UNC5D: variants seen among roughly 807,000 people sequenced by gnomAD.
UNC5D encodes unc-5 netrin receptor D, also known as netrin receptor UNC5D.
In UNC5D, 39 loss-of-function variants were observed where a neutral mutation model predicts 105.4. That is an observed-to-expected ratio of 0.37 (90% CI 0.29 to 0.48). UNC5D has a LOEUF of 0.48. Ranked by LOEUF, UNC5D falls within the 20% of genes least tolerant of loss-of-function variation. The pLI is 0.98. For missense variants in UNC5D, 991 were observed against 1,202.4 expected (o/e 0.82, Z 2.60); for synonymous variants, 452 against 450.4 (o/e 1.00, Z -0.04).
At chr8:35,275,610 A>G (rs1422813816) in intron 1 of UNC5D, among the ~76,000 whole-genome samples, 1 of 152,152 alleles carries the variant, frequency 6.6e-6, no homozygotes, top group African/African-American at 2.4e-5. Context: ...GCCCGGTTGT[A>G]TTTTGACAAG....
intron 1 of UNC5D, among the ~76,000 whole-genome samples, chr8:35,236,766 C>T (rs887436857): frequency 6.6e-6 from 1 of 152,220 alleles, no homozygotes; most frequent in African/African-American, 2.4e-5. Flanking sequence ...TGATCAGAGG[C>T]AGTTTCAGAC....
intron 4 of UNC5D, among the ~76,000 whole-genome samples, chr8:35,661,757 T>C (rs1824118822): frequency 6.6e-6 from 1 of 152,186 alleles, no homozygotes; most frequent in African/African-American, 2.4e-5. Flanking sequence ...CCACTTTTTG[T>C]AACCATCCTC....
intron 1 of UNC5D, among the ~76,000 whole-genome samples, chr8:35,495,455 C>CAAAAAAAAAA (rs1417671723): frequency 1.2e-4 from 4 of 32,426 alleles, no homozygotes; most frequent in African/African-American, 2.0e-4. Context: ...ACAACAACAA[C>CAAAAAAAAAA]AACAAAAAAA....
intron 1 of UNC5D, among the ~76,000 whole-genome samples, chr8:35,512,535 G>GTGTATATATATA (rs1163798673): frequency 1.5e-4 from 5 of 33,426 alleles, no homozygotes; most frequent in South Asian, 1.1e-3. Context: ...ATTCAGATAT[G>GTGTATATATATA]TATGTATATA....
intron 7 of UNC5D, among the ~76,000 whole-genome samples, chr8:35,702,872 C>T (rs1827306778): frequency 6.6e-6 from 1 of 152,048 alleles, no homozygotes; most frequent in Admixed American, 6.6e-5. Context: ...CACACTGATA[C>T]AGAAGATATG....
At chr8:35,484,487 T>A (rs559847370) in intron 1 of UNC5D, among the ~76,000 whole-genome samples, 3 of 152,188 alleles carry the variant, frequency 2.0e-5, no homozygotes, top group Non-Finnish European at 4.4e-5. Flanking sequence ...ATGGCACCAC[T>A]GAAGGCCATT....
At chr8:35,357,212 A>C (rs1801606940) in intron 1 of UNC5D, among the ~76,000 whole-genome samples, 1 of 152,168 alleles carries the variant, frequency 6.6e-6, no homozygotes, top group South Asian at 2.1e-4. Context: ...ATGATTTCTC[A>C]GCTTAAATTC....
Position 35,724,530 on chromosome 8 carries a change from C to CTTCA in UNC5D, c.1304-1621_1304-1618dup, listed in dbSNP as rs1828756849. Among the ~76,000 whole-genome samples the CTTCA allele has an allele frequency of 2.0e-5, 3 of 152,188 alleles. No individual in the cohort carries two copies. In the South Asian group the frequency reaches 6.2e-4, roughly 32 times the overall value. Reference sequence around the variant, plus strand: ...CGGTGGGTGACTGTCGCTGGTCAGACTTCAGTCAAGCTGGCAGCCAATTTT... The same window carrying CTTCA: ...CGGTGGGTGACTGTCGCTGGTCAGACTTCATTCAGTCAAGCTGGCAGCCAATTTT... On this transcript the variant is annotated intron_variant, in intron 9 of 16. Coordinates refer to ENST00000404895, the MANE Select transcript of UNC5D (RefSeq NM_080872.4).
intron 4 of UNC5D, among the ~76,000 whole-genome samples, chr8:35,678,530 T>G (rs1274655734): frequency 6.6e-6 from 1 of 152,236 alleles, no homozygotes; most frequent in Non-Finnish European, 1.5e-5. Flanking sequence ...ATTACCCCAG[T>G]TAAGACTTCT....
intron 1 of UNC5D, among the ~76,000 whole-genome samples, chr8:35,510,321 A>C (rs1812615045): frequency 6.8e-6 from 1 of 148,008 alleles, no homozygotes; most frequent in Non-Finnish European, 1.5e-5. Context: ...AAAAAAAAAA[A>C]AAAAAAAAAA....
At position 35,538,395 on chromosome 8, in the gene UNC5D, T is replaced by TTATATATATATATATG. The variant is rs1815000070; in HGVS notation, c.104-10882_104-10881insGTATATATATATATAT. ...TCAGTCGTGATTTAAAAAAAAATAA[T>TTATATATATATATATG]TATATATATATATATATATATATAT... On this transcript the variant is annotated intron_variant, in intron 1 of 16. Transcript: ENST00000404895. Among the ~76,000 whole-genome samples the TTATATATATATATATG allele has an allele frequency of 6.4e-4, 53 of 82,436 alleles. 1 individual carries two copies. The highest frequency in any genetic ancestry group is 1.2e-3 in the Admixed American group (8 of 6,578). 54.1% of individuals were successfully genotyped at this position (82,436 alleles called of 152,430 possible).
At chr8:35,716,317 T>A (rs1828247390) in intron 8 of UNC5D, among the ~76,000 whole-genome samples, 1 of 152,218 alleles carries the variant, frequency 6.6e-6, no homozygotes, top group Non-Finnish European at 1.5e-5. Context: ...ATCATCTGTG[T>A]AGTTCTTAGA....
chr8:35,533,582 G>A (rs1814578998), intron 1 of UNC5D, among the ~76,000 whole-genome samples: 2 of 152,200 alleles, frequency 1.3e-5, no homozygotes, highest in South Asian at 2.1e-4. Flanking sequence ...CACCCAATTC[G>A]AGCTTCCTGG....
chr8:35,670,419 T>C (rs1824705597), intron 4 of UNC5D, among the ~76,000 whole-genome samples: 1 of 152,190 alleles, frequency 6.6e-6, no homozygotes. Flanking sequence ...GTATGTTTAT[T>C]GCAGCACTAT....
chr8:35,613,750 G>A (rs993786457), intron 4 of UNC5D, among the ~76,000 whole-genome samples: 8 of 152,160 alleles, frequency 5.3e-5, no homozygotes, highest in African/African-American at 1.2e-4. Context: ...TTGAGTGGCT[G>A]AGGCATGAGA....
At chr8:35,772,245 C>T (rs1402211705) in intron 15 of UNC5D, among the ~76,000 whole-genome samples, 2 of 152,108 alleles carry the variant, frequency 1.3e-5, no homozygotes, top group Non-Finnish European at 2.9e-5. Flanking sequence ...CTGAGATATC[C>T]TTTTGGAACT....
At chr8:35,328,292 C>T (rs2128891981) in intron 1 of UNC5D, among the ~76,000 whole-genome samples, 1 of 152,244 alleles carries the variant, frequency 6.6e-6, no homozygotes, top group South Asian at 2.1e-4. Context: ...CAAAAACTCA[C>T]AGTTGGTATT....
intron 6 of UNC5D, among the ~76,000 whole-genome samples, chr8:35,685,605 G>T (rs1178263002): frequency 1.3e-5 from 2 of 152,142 alleles, no homozygotes; most frequent in African/African-American, 4.8e-5. Context: ...TGTTCAATAA[G>T]CATTTATTGA....
chr8:35,238,737 CAT>C (rs1186470568), intron 1 of UNC5D, among the ~76,000 whole-genome samples: 1 of 152,158 alleles, frequency 6.6e-6, no homozygotes, highest in African/African-American at 2.4e-5. Flanking sequence ...TGCTTTAAAA[CAT>C]TTCCTGGACA....
Sources: gnomAD v4.1 joint callset for allele counts (sites outside exome capture counted in the v4.1 genomes callset) on GRCh38, gnomAD v4.1.1 for gene constraint, MANE v1.5 for transcripts, NCBI Gene and HGNC (gene_info 2026-07-23, HGNC 2026-07-21) for gene names.